The following CD44 variants were observed in gnomAD, a reference collection of about 807,000 sequenced individuals.
CD44 encodes CD44 molecule (IN blood group).
A neutral mutation model predicts 88.8 loss-of-function variants in CD44; 49 were observed. The observed-to-expected ratio is 0.55, with a 90% CI of 0.44 to 0.70. The LOEUF is 0.70. Ranked by LOEUF, CD44 falls within the 30% of genes least tolerant of loss-of-function variation. CD44 has a pLI of 0.00. For missense variants in CD44, 883 were observed against 913.8 expected, an observed-to-expected ratio of 0.97 and a Z score of 0.43; for synonymous variants, 325 against 312.3, an observed-to-expected ratio of 1.04 and a Z score of -0.43.
chr11:35,192,995 G>T (rs1335036323), intron 5 of CD44, among the ~76,000 whole-genome samples: 2 of 151,952 alleles, frequency 1.3e-5, no homozygotes, highest in African/African-American at 4.8e-5. Context: ...ATTGGGTGAG[G>T]GTGGTGGGAA....
At chr11:35,195,887 C>T (rs930470967) in intron 5 of CD44, among the ~76,000 whole-genome samples, 33 of 152,040 alleles carry the variant, frequency 2.2e-4, no homozygotes, top group African/African-American at 7.7e-4. Context: ...AAGAAATTAC[C>T]TTGGGCAAGG....
chr11:35,163,768 A>T (rs1466574152), intron 1 of CD44, among the ~76,000 whole-genome samples: 1 of 152,152 alleles, frequency 6.6e-6, no homozygotes, highest in Non-Finnish European at 1.5e-5. Flanking sequence ...CTAACCCAAG[A>T]TGTTAAAACT....
In CD44 at chr11:35,214,754, C is replaced by T. The variant is rs539835931; in HGVS notation, c.1811-98C>T. 1.5e-5 allele frequency: 9 copies of T among 615,130 alleles called. No homozygotes were observed. In the East Asian group the frequency reaches 2.5e-4, roughly 17 times the overall value. The allele number at this position is 615,130 out of a possible 1,614,324, so 38.1% of individuals were successfully genotyped here. A position where few individuals can be genotyped will look rare whatever the true frequency, so the allele number is the denominator to read the frequency against. On this transcript the variant is annotated intron_variant, in intron 14 of 17. Coordinates refer to ENST00000428726, the MANE Select transcript of CD44 (RefSeq NM_000610.4). Reference sequence around the variant, plus strand: ...TTTGGAATACCTTAAAAAGACTAAACTTTGTGATAGGCTGTATAAGAATGC... The same window carrying T: ...TTTGGAATACCTTAAAAAGACTAAATTTTGTGATAGGCTGTATAAGAATGC...
chr11:35,194,946 A>T (rs893575210), intron 5 of CD44, among the ~76,000 whole-genome samples: 7 of 152,238 alleles, frequency 4.6e-5, no homozygotes, highest in African/African-American at 1.7e-4. Flanking sequence ...TCTCACAGCC[A>T]GTAATAAGAG....
chr11:35,146,156 C>A (rs763796358), intron 1 of CD44, among the ~76,000 whole-genome samples: 1 of 152,104 alleles, frequency 6.6e-6, no homozygotes, highest in Non-Finnish European at 1.5e-5. Flanking sequence ...AGGTAAGTGT[C>A]CCTGCGAAGT....
chr11:35,198,871 C>T (rs974356461), intron 7 of CD44, among the ~76,000 whole-genome samples: 5 of 149,754 alleles, frequency 3.3e-5, no homozygotes, highest in Admixed American at 1.3e-4. Context: ...CCTAGCTATT[C>T]GGGAGGCTGA....
intron 12 of CD44, 50 bp downstream of exon 12, chr11:35,208,256 T>A: frequency 1.6e-6 from 2 of 1,237,640 alleles, no homozygotes; most frequent in Non-Finnish European, 2.4e-6. Flanking sequence ...TCCTGCTTCA[T>A]CTCTTACTCG....
intron 1 of CD44, among the ~76,000 whole-genome samples, chr11:35,161,607 C>T (rs1942626414): frequency 6.6e-6 from 1 of 152,160 alleles, no homozygotes; most frequent in Non-Finnish European, 1.5e-5. Context: ...TGAATTTTTT[C>T]TGGTCAAGAC....
At chr11:35,194,681 G>C (rs1309636816) in intron 5 of CD44, among the ~76,000 whole-genome samples, 1 of 152,196 alleles carries the variant, frequency 6.6e-6, no homozygotes, top group African/African-American at 2.4e-5. Context: ...TCATATATCA[G>C]AAAGGCCTGT....
In CD44 at chr11:35,211,338, A is replaced by T. The variant is rs777434059; in HGVS notation, c.1699A>T (p.Thr567Ser). 2.5e-6 allele frequency: 4 copies of T among 1,613,868 alleles called. No individual in the cohort carries two copies. In the African/African-American group the frequency reaches 5.3e-5, roughly 22 times the overall value. Reference sequence around the variant, plus strand: ...AGGTTATACCTCTCATTACCCACACACGAAGGAAAGCAGGACCTTCATCCC... The same window carrying T: ...AGGTTATACCTCTCATTACCCACACTCGAAGGAAAGCAGGACCTTCATCCC... ...LEGYTSHYPH[T>S]KESRTFIPVT... Residue 567 changes from threonine (T) to serine (S), a missense_variant, in exon 14 of 18, where the codon ACG (threonine) becomes TCG (serine). By Grantham distance (58) the Thr-to-Ser change is moderately conservative (BLOSUM62 1). Around this residue, in one of 2 missense-constraint regions of CD44, gnomAD observed 631 missense variants for 590.9 expected, o/e 1.07. Transcript: ENST00000428726.
chr11:35,212,081 A>C (rs1360065578), intron 14 of CD44, among the ~76,000 whole-genome samples: 1 of 152,144 alleles, frequency 6.6e-6, no homozygotes, highest in East Asian at 1.9e-4. Context: ...AAGATAATTT[A>C]TTCAATGAAG....
intron 17 of CD44, among the ~76,000 whole-genome samples, chr11:35,223,951 G>A (rs566777753): frequency 6.4e-4 from 97 of 152,272 alleles, no homozygotes; most frequent in African/African-American, 2.1e-3. Flanking sequence ...AGTGGCTCCT[G>A]TGACTACCAG....
intron 1 of CD44, among the ~76,000 whole-genome samples, chr11:35,163,358 C>T (rs1942879359): frequency 6.6e-6 from 1 of 151,892 alleles, no homozygotes; most frequent in Admixed American, 6.6e-5. Context: ...AGGGAAGAGG[C>T]CACTAGGATT....
intron 12 of CD44, among the ~76,000 whole-genome samples, chr11:35,208,789 A>G (rs1233617162): frequency 6.6e-6 from 1 of 152,152 alleles, no homozygotes; most frequent in East Asian, 1.9e-4. Flanking sequence ...CTTAATTTCT[A>G]CTCTATGTGC....
chr11:35,199,969 T>A (rs937572627), intron 7 of CD44, among the ~76,000 whole-genome samples: 1 of 144,244 alleles, frequency 6.9e-6, no homozygotes, highest in African/African-American at 2.7e-5. Flanking sequence ...TTTAATTTTT[T>A]AAATCTCTAT....
chr11:35,139,353 T>G lies in CD44; in HGVS notation c.50T>G (p.Leu17Arg). The G allele has an allele frequency of 6.4e-7, 1 of 1,560,916 alleles. No individual in the cohort carries two copies. The highest frequency in any genetic ancestry group is 8.7e-7 in the Non-Finnish European group (1 of 1,152,068). Residue 17 changes from leucine (L) to arginine (R), a missense_variant, in exon 1 of 18, where the codon CTG (leucine) becomes CGG (arginine). Leu to Arg is a moderately radical substitution (Grantham distance 102). This residue lies in a region of CD44 where 252 missense variants were observed against 322.9 expected (regional missense o/e 0.78). Coordinates refer to ENST00000428726, the MANE Select transcript of CD44 (RefSeq NM_000610.4). ...GCCTGGGGACTCTGCCTCGTGCCGC[T>G]GAGCCTGGCGCAGATCGGTGAGTGC... is the stretch of plus-strand genomic sequence containing the variant. ...HAAWGLCLVP[L>R]SLAQIDLNIT...
chr11:35,144,130 G>C (rs190901386), intron 1 of CD44, among the ~76,000 whole-genome samples: 5 of 152,348 alleles, frequency 3.3e-5, no homozygotes, highest in Non-Finnish European at 7.3e-5. Flanking sequence ...AGTGTCAGAT[G>C]CTTCAAGGCT....
At chr11:35,192,130 G>T (rs1347787183) in intron 5 of CD44, among the ~76,000 whole-genome samples, 1 of 152,156 alleles carries the variant, frequency 6.6e-6, no homozygotes, top group African/African-American at 2.4e-5. Flanking sequence ...AATGAATTGT[G>T]CCTTTCTCCT....
At chr11:35,225,195 G>T (rs1480551104) in intron 17 of CD44, among the ~76,000 whole-genome samples, 3 of 126,806 alleles carry the variant, frequency 2.4e-5, no homozygotes, top group Non-Finnish European at 5.5e-5. Context: ...AAATGTGGCT[G>T]GTGGCTACCA....
Sources: gnomAD v4.1 joint callset for allele counts (sites outside exome capture counted in the v4.1 genomes callset) on GRCh38, gnomAD v4.1.1 for gene constraint, gnomAD v4.1.1 regional missense constraint, MANE v1.5 for transcripts, NCBI Gene and HGNC (gene_info 2026-07-23, HGNC 2026-07-21) for gene names.